The following SDK2 variants were observed in gnomAD, a reference collection of about 807,000 sequenced individuals.
The protein encoded by SDK2 is protein sidekick-2.
Under a neutral mutation model 253.9 loss-of-function variants are expected in SDK2, and 105 were observed. The ratio of observed to expected loss-of-function variants is 0.41; its 90% CI spans 0.35 to 0.49. The LOEUF (loss-of-function observed/expected upper bound fraction) is 0.49, where lower values mean the gene tolerates loss of function less well. Ranked by LOEUF, SDK2 falls within the 20% of genes least tolerant of loss-of-function variation. The pLI, the probability that SDK2 is intolerant of heterozygous loss-of-function variation, is 0.06. For synonymous variants in SDK2, 1,249 were observed against 1,234.9 expected (o/e 1.01, Z -0.24); for missense variants, 2,608 against 3,003.0 (o/e 0.87, Z 3.07).
chr17:73,585,256 C>A (rs1035585982), intron 1 of SDK2, among the ~76,000 whole-genome samples: 2 of 152,220 alleles, frequency 1.3e-5, no homozygotes, highest in African/African-American at 2.4e-5. Flanking sequence ...CACTCTGTTT[C>A]CCCTATGCCA....
chr17:73,473,048 C>T (rs767395218), intron 2 of SDK2, among the ~76,000 whole-genome samples: 1 of 152,204 alleles, frequency 6.6e-6, no homozygotes, highest in Non-Finnish European at 1.5e-5. Flanking sequence ...TGAAAACGGA[C>T]TAATAATACA....
In SDK2 at chr17:73,352,376, T is replaced by C. The variant is rs2062546226; in HGVS notation, c.5758+97A>G. The stretch of plus-strand genomic sequence containing the variant: ...TGTTTTTGTTCCCGCCCCATGCTCC[T>C]GGTGCCCTGGTGCCTCTCCTCCTTC... On this transcript the variant is annotated intron_variant, in intron 41 of 44. Coordinates refer to ENST00000392650, the MANE Select transcript of SDK2 (RefSeq NM_001144952.2). The surrounding 1 kb of genome is among the most constrained non-coding windows in gnomAD (Gnocchi z 4.1). 1 of 1,422,092 alleles carries C rather than the reference T, an allele frequency of 7.0e-7. No individual in the cohort carries two copies. Among genetic ancestry groups the C allele is most frequent in the African/African-American group, 1.4e-5 (1 of 70,362 alleles). The allele number at this position is 1,422,092 out of a possible 1,614,324, so 88.1% of individuals were successfully genotyped here.
At chr17:73,402,630 G>A (rs1363500083) in intron 18 of SDK2, among the ~76,000 whole-genome samples, 4 of 152,074 alleles carry the variant, frequency 2.6e-5, no homozygotes, top group Admixed American at 6.6e-5. Context: ...TTGAGATGGG[G>A]TCTCACTATG....
chr17:73,348,806 G>T, intron 43 of SDK2, 81 bp from the exon 44 acceptor site: 3 of 1,174,766 alleles, frequency 2.6e-6, no homozygotes, highest in Non-Finnish European at 3.7e-6. Flanking sequence ...CACAGTGGGG[G>T]CCTGGGGAAC....
intron 16 of SDK2, among the ~76,000 whole-genome samples, chr17:73,417,687 C>T (rs541741094): frequency 2.0e-5 from 3 of 152,156 alleles, no homozygotes; most frequent in South Asian, 4.1e-4. Context: ...AGCCTGGGCT[C>T]ATTTTCTTTC....
intron 10 of SDK2, among the ~76,000 whole-genome samples, chr17:73,432,555 G>A (rs551298777): frequency 2.0e-5 from 3 of 152,282 alleles, no homozygotes; most frequent in African/African-American, 7.2e-5. Context: ...TCTAGGTCCT[G>A]GGAGACGGCA....
At chr17:73,552,098 CCT>C (rs890128563) in intron 1 of SDK2, among the ~76,000 whole-genome samples, 1 of 152,148 alleles carries the variant, frequency 6.6e-6, no homozygotes, top group Non-Finnish European at 1.5e-5. Flanking sequence ...GCCTGTCCCC[CCT>C]GTCTGGGGCC....
chr17:73,350,602 T>C (rs202068153), intron 42 of SDK2, 48 bp downstream of exon 42: 20 of 1,578,844 alleles, frequency 1.3e-5, no homozygotes, highest in South Asian at 4.7e-5. Context: ...AAAAAGGAGA[T>C]ACATAAAACT....
At chr17:73,448,315 A>G (rs1310610165) in intron 4 of SDK2, among the ~76,000 whole-genome samples, 1 of 152,184 alleles carries the variant, frequency 6.6e-6, no homozygotes, top group African/African-American at 2.4e-5. Flanking sequence ...ACCTGGTGAC[A>G]TCAACTTCTG....
At chr17:73,341,796 T>A (rs2062439519) in intron 44 of SDK2, among the ~76,000 whole-genome samples, 1 of 152,050 alleles carries the variant, frequency 6.6e-6, no homozygotes, top group East Asian at 1.9e-4. Flanking sequence ...ACTATAATGA[T>A]CCCCGCTAAT....
intron 2 of SDK2, among the ~76,000 whole-genome samples, chr17:73,473,490 T>G (rs568399479): frequency 2.0e-5 from 3 of 152,312 alleles, no homozygotes; most frequent in Non-Finnish European, 4.4e-5. Context: ...GCAGACCTGG[T>G]GGACAAGTTC....
At position 73,352,088 on chromosome 17, in the gene SDK2, G is replaced by T. The variant is rs371258443; in HGVS notation, c.5758+385C>A. On this transcript the variant is annotated intron_variant, in intron 41 of 44. Transcript: ENST00000392650. The surrounding 1 kb of genome is among the most constrained non-coding windows in gnomAD (Gnocchi z 4.1). ...CCTAAGGCCCACCTGTGTCTCTGCT[G>T]CTCTGCAGGCTGCTGACCCTGCCAC... Among the ~76,000 whole-genome samples, 94 of 152,236 alleles carry T rather than the reference G, an allele frequency of 6.2e-4. No homozygotes were observed. The highest frequency in any genetic ancestry group is 2.1e-3 in the African/African-American group (87 of 41,552).
intron 1 of SDK2, among the ~76,000 whole-genome samples, chr17:73,510,383 C>G (rs1246270640): frequency 1.3e-5 from 2 of 152,192 alleles, no homozygotes. Context: ...TGCTACTAAC[C>G]CTCACTGTGG....
intron 1 of SDK2, among the ~76,000 whole-genome samples, chr17:73,523,805 G>T (rs567362497): frequency 1.3e-5 from 2 of 151,616 alleles, no homozygotes; most frequent in South Asian, 4.2e-4. Flanking sequence ...ACTGCGCAGA[G>T]CCCCTTTCTC....
At chr17:73,466,366 TC>T (rs1265732201) in intron 3 of SDK2, among the ~76,000 whole-genome samples, 1 of 152,190 alleles carries the variant, frequency 6.6e-6, no homozygotes, top group African/African-American at 2.4e-5. Context: ...CTCAGGTCAG[TC>T]CGTACTCATG....
chr17:73,590,764 GGTT>G (rs2045670412), intron 1 of SDK2, among the ~76,000 whole-genome samples: 2 of 152,222 alleles, frequency 1.3e-5, no homozygotes, highest in African/African-American at 2.4e-5. Flanking sequence ...GCCAGGTAGA[GGTT>G]GTTAAGGGTA....
At chr17:73,532,203 C>A (rs1222076853) in intron 1 of SDK2, among the ~76,000 whole-genome samples, 1 of 136,694 alleles carries the variant, frequency 7.3e-6, no homozygotes, top group Middle Eastern at 3.6e-3. Context: ...GGACAGCCCC[C>A]CCACCCACCC....
chr17:73,506,887 G>A (rs2145758904), intron 2 of SDK2, among the ~76,000 whole-genome samples: 1 of 152,382 alleles, frequency 6.6e-6, no homozygotes, highest in African/African-American at 2.4e-5. Flanking sequence ...GCAGGGAAAG[G>A]CCAGTCAGGC....
At chr17:73,580,788 T>C in intron 1 of SDK2, among the ~76,000 whole-genome samples, 1 of 152,216 alleles carries the variant, frequency 6.6e-6, no homozygotes, top group Non-Finnish European at 1.5e-5. Context: ...TTTTTCAGAT[T>C]TTGAAATATT....
Sources: gnomAD v4.1 joint callset for allele counts (sites outside exome capture counted in the v4.1 genomes callset) on GRCh38, gnomAD v4.1.1 for gene constraint, Gnocchi (gnomAD v3.1) non-coding constraint, MANE v1.5 for transcripts, NCBI Gene and HGNC (gene_info 2026-07-23, HGNC 2026-07-21) for gene names.